BTRC: variants seen among roughly 807,000 people sequenced by gnomAD.
BTRC encodes the protein F-box/WD repeat-containing protein 1A.
A neutral mutation model predicts 85.5 loss-of-function variants in BTRC; 42 were observed. That is an observed-to-expected ratio of 0.49 (90% confidence interval 0.38 to 0.64). The LOEUF is 0.64. BTRC is among the 30% of genes least tolerant of loss of function. BTRC has a pLI of 0.00. For synonymous variants in BTRC, 255 were observed against 263.3 expected, an observed-to-expected ratio of 0.97 and a Z score of 0.30; for missense variants, 594 against 743.5, an observed-to-expected ratio of 0.80 and a Z score of 2.34.
intron 6 of BTRC, among the ~76,000 whole-genome samples, chr10:101,527,995 T>A (rs1203987233): frequency 1.3e-5 from 2 of 152,098 alleles, no homozygotes; most frequent in Non-Finnish European, 2.9e-5. Flanking sequence ...TTGCTAAGAG[T>A]GCTGGGACCA....
intron 1 of BTRC, among the ~76,000 whole-genome samples, chr10:101,429,563 CTCTCTCTCCTT>C (rs1944347231): frequency 8.2e-6 from 1 of 122,614 alleles, no homozygotes; most frequent in Non-Finnish European, 1.6e-5. Flanking sequence ...TTCTTCTTCT[CTCTCTCTCCTT>C]TCTCTCTCTT....
chr10:101,539,036 C>T (rs1360314357), intron 13 of BTRC, among the ~76,000 whole-genome samples: 1 of 147,190 alleles, frequency 6.8e-6, no homozygotes, highest in African/African-American at 2.5e-5. Flanking sequence ...GCAACAAGAG[C>T]GAAACTCTGT....
At chr10:101,538,234 C>A (rs778039161) in intron 12 of BTRC, 59 bp from the exon 13 acceptor site, 2 of 1,379,750 alleles carry the variant, frequency 1.4e-6, no homozygotes, top group Non-Finnish European at 2.1e-6. Context: ...TGCTATTCTT[C>A]CCTGCCTTCT....
At chr10:101,374,792 A>T (rs898232733) in intron 1 of BTRC, among the ~76,000 whole-genome samples, 48 of 151,610 alleles carry the variant, frequency 3.2e-4, no homozygotes, top group Non-Finnish European at 6.5e-4. Context: ...TAAATAAAAA[A>T]AAAAAAAAGA....
intron 1 of BTRC, among the ~76,000 whole-genome samples, chr10:101,358,680 A>AT (rs1452245078): frequency 2.0e-5 from 3 of 152,278 alleles, no homozygotes; most frequent in African/African-American, 7.2e-5. Flanking sequence ...CTTCTCCTCT[A>AT]TATGGGCCTT....
chr10:101,394,797 A>G (rs137931953), intron 1 of BTRC, among the ~76,000 whole-genome samples: 19 of 152,288 alleles, frequency 1.2e-4, no homozygotes, highest in African/African-American at 1.9e-4. Context: ...AAGAATAGCA[A>G]TTTGACCAGT....
At chr10:101,549,850 G>T (rs1447421418) in intron 13 of BTRC, among the ~76,000 whole-genome samples, 1 of 151,884 alleles carries the variant, frequency 6.6e-6, no homozygotes, top group Non-Finnish European at 1.5e-5. Context: ...ACTGCCAGTG[G>T]TGTGCTAGAA....
Position 101,553,860 on chromosome 10 carries a change from C to T in BTRC, c.*737C>T, listed in dbSNP as rs528619228. 1 of 152,786 alleles carries T rather than the reference C, an allele frequency of 6.5e-6. No homozygotes were observed. Among genetic ancestry groups the T allele is most frequent in the Non-Finnish European group, 1.5e-5 (1 of 68,060 alleles). The allele number at this position is 152,786 out of a possible 1,614,324, so 9.5% of individuals were successfully genotyped here. ...AAGTGTACGAAGAGAGTGTCCTCCT[C>T]TCACATGAGCCAGATCAGCCAGAAA... On this transcript the variant is annotated 3_prime_UTR_variant, in exon 15 of 15. Coordinates refer to ENST00000370187, the MANE Select transcript of BTRC (RefSeq NM_033637.4).
intron 6 of BTRC, among the ~76,000 whole-genome samples, chr10:101,528,808 T>C (rs1427710852): frequency 1.3e-5 from 2 of 152,232 alleles, no homozygotes; most frequent in South Asian, 2.1e-4. Flanking sequence ...CCCCATATGC[T>C]AGCTTTGAAA....
At chr10:101,479,229 C>T (rs1430798396) in intron 3 of BTRC, 139 bp from the exon 4 acceptor site, 1 of 568,420 alleles carries the variant, frequency 1.8e-6, no homozygotes, top group Non-Finnish European at 3.0e-6. Flanking sequence ...TTCTAACTTA[C>T]CTCTCAGTTC....
chr10:101,519,033 A>G (rs1035186189), intron 4 of BTRC, among the ~76,000 whole-genome samples: 4 of 145,758 alleles, frequency 2.7e-5, no homozygotes, highest in Admixed American at 1.4e-4. Context: ...GGCTGGACTG[A>G]GTTCTCATCT....
chr10:101,383,752 A>G (rs975310345), intron 1 of BTRC, among the ~76,000 whole-genome samples: 3 of 152,226 alleles, frequency 2.0e-5, no homozygotes, highest in African/African-American at 7.2e-5. Flanking sequence ...AGTTTGTATT[A>G]GGGGATTTTG....
At chr10:101,466,192 C>T (rs765746736) in intron 3 of BTRC, among the ~76,000 whole-genome samples, 71 of 152,290 alleles carry the variant, frequency 4.7e-4, no homozygotes, top group Non-Finnish European at 7.9e-4. Context: ...TAATCCCTCT[C>T]CCATCCCCCA....
At chr10:101,536,402 T>C in intron 11 of BTRC, 141 bp from the exon 12 acceptor site, 1 of 533,446 alleles carries the variant, frequency 1.9e-6, no homozygotes, top group Non-Finnish European at 3.4e-6. Context: ...ATAAATTACA[T>C]TGAAAGCAGT....
At chr10:101,400,692 G>A (rs914742947) in intron 1 of BTRC, among the ~76,000 whole-genome samples, 1 of 152,178 alleles carries the variant, frequency 6.6e-6, no homozygotes, top group Non-Finnish European at 1.5e-5. Context: ...GCCTTAATAT[G>A]TAGATTATTA....
intron 3 of BTRC, among the ~76,000 whole-genome samples, chr10:101,465,898 A>G (rs1350657408): frequency 6.6e-6 from 1 of 152,148 alleles, no homozygotes; most frequent in Non-Finnish European, 1.5e-5. Flanking sequence ...GAATAATCTC[A>G]TTTCTTGGCA....
At chr10:101,472,202 T>A in intron 3 of BTRC, among the ~76,000 whole-genome samples, 1 of 152,142 alleles carries the variant, frequency 6.6e-6, no homozygotes, top group Non-Finnish European at 1.5e-5. Flanking sequence ...CTAGATTTCT[T>A]TCTTTCCATA....
At chr10:101,477,216 G>T (rs1255193775) in intron 3 of BTRC, among the ~76,000 whole-genome samples, 1 of 151,626 alleles carries the variant, frequency 6.6e-6, no homozygotes, top group Non-Finnish European at 1.5e-5. Context: ...GGTCAGGCTG[G>T]TCTCAAACTT....
intron 3 of BTRC, among the ~76,000 whole-genome samples, chr10:101,473,841 T>A (rs1589517858): frequency 6.6e-6 from 1 of 152,176 alleles, no homozygotes; most frequent in Admixed American, 6.5e-5. Context: ...CAAGCTATCC[T>A]CCTGCCTCGG....
Sources: gnomAD v4.1 joint callset for allele counts (sites outside exome capture counted in the v4.1 genomes callset) on GRCh38, gnomAD v4.1.1 for gene constraint, MANE v1.5 for transcripts, NCBI Gene and HGNC (gene_info 2026-07-23, HGNC 2026-07-21) for gene names.